The following PRUNE2 variants were observed in gnomAD, a reference collection of about 807,000 sequenced individuals.
PRUNE2 encodes the protein protein prune homolog 2.
Under a neutral mutation model 252.0 loss-of-function variants are expected in PRUNE2, and 164 were observed. The ratio of observed to expected loss-of-function variants is 0.65; its 90% CI spans 0.57 to 0.74. PRUNE2 has a LOEUF of 0.74. Ranked by LOEUF, PRUNE2 falls within the 30% of genes least tolerant of loss-of-function variation. The pLI, the probability that PRUNE2 is intolerant of heterozygous loss-of-function variation, is 0.00. For synonymous variants in PRUNE2, 1,292 were observed against 1,350.2 expected, an observed-to-expected ratio of 0.96 and a Z score of 0.94; for missense variants, 3,495 against 3,711.0, an observed-to-expected ratio of 0.94 and a Z score of 1.51.
intron 6 of PRUNE2, among the ~76,000 whole-genome samples, chr9:76,814,817 C>G (rs1450296439): frequency 6.6e-6 from 1 of 152,178 alleles, no homozygotes; most frequent in Non-Finnish European, 1.5e-5. Flanking sequence ...TAACACTTTT[C>G]TTTACATGTA....
intron 4 of PRUNE2, among the ~76,000 whole-genome samples, chr9:76,836,160 AATTT>A (rs2058952420): frequency 6.6e-6 from 1 of 151,874 alleles, no homozygotes. Flanking sequence ...ATGATTCAGC[AATTT>A]AATGGATCTT....
At chr9:76,774,768 A>G (rs546753973) in intron 6 of PRUNE2, among the ~76,000 whole-genome samples, 1 of 152,250 alleles carries the variant, frequency 6.6e-6, no homozygotes, top group South Asian at 2.1e-4. Flanking sequence ...CCAATTCTTT[A>G]AACCAGAATA....
chr9:76,632,636 C>T lies in PRUNE2; in HGVS notation c.9051-3346G>A, dbSNP rs573503494. On this transcript the variant is annotated intron_variant, in intron 15 of 18. Transcript: ENST00000376718. ...GCAGTGGTATGATCATAGCTCACTA[C>T]AGCCTTGGACTCCTGGGCTCAGGTA... 1.2e-3 allele frequency among the ~76,000 whole-genome samples: 177 copies of T among 152,280 alleles called. 1 individual carries two copies. Among genetic ancestry groups the T allele is most frequent in the South Asian group, 0.01 (49 of 4,828 alleles).
At chr9:76,690,107 G>C (rs996435281) in intron 9 of PRUNE2, among the ~76,000 whole-genome samples, 2 of 152,154 alleles carry the variant, frequency 1.3e-5, no homozygotes, top group African/African-American at 4.8e-5. Context: ...ATTCCTGCCA[G>C]GATTAATCCA....
intron 1 of PRUNE2, among the ~76,000 whole-genome samples, chr9:76,892,087 C>T (rs972635599): frequency 1.3e-5 from 2 of 152,124 alleles, no homozygotes; most frequent in Non-Finnish European, 2.9e-5. Context: ...ATTCTACCTA[C>T]TGGTCTCATT....
At chr9:76,641,018 A>C (rs182811777) in intron 12 of PRUNE2, among the ~76,000 whole-genome samples, 16 of 152,320 alleles carry the variant, frequency 1.1e-4, no homozygotes, top group African/African-American at 3.8e-4. Flanking sequence ...GTTTATAAAC[A>C]GTACTTCAGA....
At chr9:76,879,428 T>C (rs972552459) in intron 1 of PRUNE2, among the ~76,000 whole-genome samples, 17 of 152,164 alleles carry the variant, frequency 1.1e-4, no homozygotes, top group African/African-American at 4.1e-4. Flanking sequence ...TGAACAAATA[T>C]TTACTGAACA....
intron 1 of PRUNE2, among the ~76,000 whole-genome samples, chr9:76,894,716 G>GAAAAAAAAA (rs1170899729): frequency 1.4e-4 from 16 of 110,690 alleles, no homozygotes; most frequent in South Asian, 2.4e-4. Context: ...ATTTTCTGCA[G>GAAAAAAAAA]CAAAAAAAAA....
intron 17 of PRUNE2, 76 bp from the exon 18 acceptor site, chr9:76,619,463 G>C: frequency 9.6e-7 from 1 of 1,038,422 alleles, no homozygotes; most frequent in Non-Finnish European, 1.5e-6. Context: ...CAGATTTGAG[G>C]CATTTGAAAC....
chr9:76,707,768 G>C lies in PRUNE2; in HGVS notation c.4506C>G (p.Val1502=). The part of the protein sequence containing the change: ...GDVPIDSDVH[V]SSTCSEITKN... ...TGGTTATCTCAGAACATGTGCTGCT[G>C]ACATGCACATCACTGTCTATAGGGA... The change falls in exon 8 of 19, where the codon GTC becomes GTG. Residue 1502 remains valine (V), a synonymous_variant. Transcript: ENST00000376718. 1 of 1,613,496 alleles carries C rather than the reference G, an allele frequency of 6.2e-7. No homozygotes were observed. The highest frequency in any genetic ancestry group is 8.5e-7 in the Non-Finnish European group (1 of 1,179,648).
At chr9:76,738,851 C>T (rs1334836531) in intron 6 of PRUNE2, 1 of 152,172 alleles carries the variant, frequency 6.6e-6, no homozygotes, top group Non-Finnish European at 1.5e-5. Context: ...TTTGATACTT[C>T]TCATGTTTTA....
chr9:76,780,475 C>T (rs1250023674), intron 6 of PRUNE2, among the ~76,000 whole-genome samples: 3 of 151,990 alleles, frequency 2.0e-5, no homozygotes, highest in African/African-American at 7.3e-5. Context: ...ATCACGAGGC[C>T]AGGAGATCAA....
intron 9 of PRUNE2, among the ~76,000 whole-genome samples, chr9:76,667,132 T>G (rs664414): frequency 0.47 from 71,346 of 152,190 alleles, 20,139 homozygotes; most frequent in Non-Finnish European, 0.61. Flanking sequence ...ATATAGGTGA[T>G]GCTTATGGGA....
At chr9:76,676,560 G>T (rs1463802447) in intron 9 of PRUNE2, among the ~76,000 whole-genome samples, 2 of 151,938 alleles carry the variant, frequency 1.3e-5, no homozygotes, top group Non-Finnish European at 2.9e-5. Flanking sequence ...TAGGTACAGG[G>T]GCGAAAGGAA....
chr9:76,711,379 T>C (rs2046719381), intron 7 of PRUNE2, 21 bp from the exon 8 acceptor site: 1 of 1,567,282 alleles, frequency 6.4e-7, no homozygotes, highest in East Asian at 2.3e-5. Context: ...GCACAGGAAT[T>C]TGTGTCAGCA....
At chr9:76,879,303 T>G (rs771625026) in intron 1 of PRUNE2, among the ~76,000 whole-genome samples, 42 of 152,204 alleles carry the variant, frequency 2.8e-4, no homozygotes, top group Non-Finnish European at 4.9e-4. Context: ...TCTTATGTAA[T>G]ACATGTTGGG....
In PRUNE2 at chr9:76,706,762, TC is replaced by T. The variant is rs1213815141; in HGVS notation, c.5511del (p.Arg1838AspfsTer2). The T allele has an allele frequency of 6.2e-7, 1 of 1,611,816 alleles. No individual in the cohort carries two copies. Among genetic ancestry groups the T allele is most frequent in the Non-Finnish European group, 8.5e-7 (1 of 1,178,870 alleles). On this transcript the variant is annotated frameshift_variant, in exon 8 of 19. Coordinates refer to ENST00000376718, the MANE Select transcript of PRUNE2 (RefSeq NM_015225.3). LOFTEE classifies it high-confidence loss of function. ...CTTTCAAATGGACTTTCAATTAGTC[TC>T]CCTTCCTGGGGTGAGGCCTTCCACC... ...TEWWKASPQE[G>X]RLIESPFERE...
intron 12 of PRUNE2, 98 bp downstream of exon 12, chr9:76,644,641 G>T: frequency 9.0e-7 from 1 of 1,114,292 alleles, no homozygotes. Flanking sequence ...TAGGGTCTTT[G>T]AGATGTCATG....
chr9:76,717,504 T>C (rs114732043), intron 6 of PRUNE2, among the ~76,000 whole-genome samples: 2,114 of 152,284 alleles, frequency 0.014, 45 homozygotes, highest in African/African-American at 0.047. Context: ...GCCTTCTACC[T>C]GATAAATTAC....
Sources: gnomAD v4.1 joint callset for allele counts (sites outside exome capture counted in the v4.1 genomes callset) on GRCh38, gnomAD v4.1.1 for gene constraint, MANE v1.5 for transcripts, NCBI Gene and HGNC (gene_info 2026-07-23, HGNC 2026-07-21) for gene names.